ACO1: variants seen among roughly 807,000 people sequenced by gnomAD.
The protein encoded by ACO1 is cytoplasmic aconitate hydratase.
In ACO1, 78 loss-of-function variants were observed where a neutral mutation model predicts 105.1. That is an observed-to-expected ratio of 0.74 (90% CI 0.62 to 0.90). The LOEUF is 0.90. Ranked by LOEUF, ACO1 falls within the 40% of genes least tolerant of loss-of-function variation. The pLI, the probability that ACO1 is intolerant of heterozygous loss-of-function variation, is 0.00. For synonymous variants in ACO1, 364 were observed against 397.4 expected (o/e 0.92, Z 1.00); for missense variants, 965 against 1,111.1 (o/e 0.87, Z 1.87).
intron 1 of ACO1, among the ~76,000 whole-genome samples, chr9:32,395,241 C>T (rs962975808): frequency 3.3e-5 from 5 of 152,084 alleles, no homozygotes; most frequent in Non-Finnish European, 5.9e-5. Flanking sequence ...TTTGGGAGGC[C>T]GAGATGGGCG....
chr9:32,426,581 T>G (rs1032119071), intron 11 of ACO1, among the ~76,000 whole-genome samples: 1 of 152,236 alleles, frequency 6.6e-6, no homozygotes, highest in Non-Finnish European at 1.5e-5. Flanking sequence ...TTCCTTTCTA[T>G]GAAGCAGACA....
chr9:32,440,651 A>G (rs2118555329), intron 19 of ACO1, 64 bp downstream of exon 19: 1 of 1,568,870 alleles, frequency 6.4e-7, no homozygotes, highest in Non-Finnish European at 8.7e-7. Context: ...CCCCAGGCAC[A>G]AATCCTGTTG....
Position 32,452,883 on chromosome 9 carries a change from G to A in ACO1, c.*2772G>A, listed in dbSNP as rs1822798582. 6.6e-6 allele frequency: 1 copy of A among 151,472 alleles called. No homozygotes were observed. The highest frequency in any genetic ancestry group is 2.4e-5 in the African/African-American group (1 of 41,142). The allele number at this position is 151,472 out of a possible 1,614,324, so 9.4% of individuals were successfully genotyped here. On this transcript the variant is annotated 3_prime_UTR_variant, in exon 21 of 21. Transcript: ENST00000309951. ...GGAGGCTGAGGTGGGAGGATCACTT[G>A]AGCCTGGGAGGTCGTGGCTATGATT...
Position 32,429,407 on chromosome 9 carries a change from C to T in ACO1, c.1485-12C>T. The T allele has an allele frequency of 6.2e-7, 1 of 1,613,600 alleles. No individual in the cohort carries two copies. The highest frequency in any genetic ancestry group is 1.1e-5 in the South Asian group (1 of 91,062). ...TTTTTTTGTGTGTGTGTGCTTCTCTCTTGGTGTCTAGGTTTGACGTGGTGG... is the reference window on the plus strand; with the variant it reads ...TTTTTTTGTGTGTGTGTGCTTCTCTTTTGGTGTCTAGGTTTGACGTGGTGG... On this transcript the variant is annotated splice_polypyrimidine_tract_variant and intron_variant, in intron 12 of 20. Coordinates refer to ENST00000309951, the MANE Select transcript of ACO1 (RefSeq NM_002197.3).
In ACO1 at chr9:32,430,527, A is replaced by G; in HGVS notation, c.1679A>G (p.Tyr560Cys). ...YLASPPLVIA[Y>C]AIAGTIRIDF... ...GCCTCTCCCCCCTTAGTAATAGCAT[A>G]TGCAATTGCTGGAACCATCAGAATC... The change falls in exon 14 of 21, where the codon TAT becomes TGT. Residue 560 changes from tyrosine to cysteine, a missense_variant. Coordinates refer to ENST00000309951, the MANE Select transcript of ACO1 (RefSeq NM_002197.3). The G allele has an allele frequency of 2.5e-6, 4 of 1,609,782 alleles. No individual in the cohort carries two copies. Among genetic ancestry groups the G allele is most frequent in the Non-Finnish European group, 3.4e-6 (4 of 1,178,330 alleles).
At chr9:32,449,376 C>T (rs1822703941) in intron 20 of ACO1, among the ~76,000 whole-genome samples, 1 of 152,138 alleles carries the variant, frequency 6.6e-6, no homozygotes, top group Non-Finnish European at 1.5e-5. Flanking sequence ...AGGGATGTGA[C>T]ATTTCACATT....
chr9:32,385,425 A>C (rs980639273), intron 1 of ACO1, among the ~76,000 whole-genome samples: 2 of 152,224 alleles, frequency 1.3e-5, no homozygotes, highest in African/African-American at 4.8e-5. Flanking sequence ...CACTCTTAAA[A>C]ATTAGTATCT....
At position 32,384,754 on chromosome 9, in the gene ACO1, C is replaced by T. The variant is rs1265574873; in HGVS notation, c.-23+19C>T. 5.3e-6 allele frequency: 2 copies of T among 378,420 alleles called. No homozygotes were observed. Among genetic ancestry groups the T allele is most frequent in the South Asian group, 1.8e-5 (1 of 56,622 alleles). The allele number at this position is 378,420 out of a possible 1,614,324, so 23.4% of individuals were successfully genotyped here. A position where few individuals can be genotyped will look rare whatever the true frequency, so the allele number is the denominator to read the frequency against. ...GTCGGAGGTGAGTACCGACGCGGCC[C>T]GACCCACGTCCCCAGGCGGGAGCGC... On this transcript the variant is annotated intron_variant, in intron 1 of 20. Transcript: ENST00000309951.
At chr9:32,392,799 G>A (rs1344652597) in intron 1 of ACO1, among the ~76,000 whole-genome samples, 2 of 152,308 alleles carry the variant, frequency 1.3e-5, no homozygotes, top group East Asian at 1.9e-4. Context: ...CATAAATTGT[G>A]AAGATTTCAT....
Position 32,453,886 on chromosome 9 carries a change from G to A in ACO1, c.*3775G>A, listed in dbSNP as rs190039155. 3.3e-5 allele frequency: 5 copies of A among 152,196 alleles called. No individual in the cohort carries two copies. Among genetic ancestry groups the A allele is most frequent in the South Asian group, 2.1e-4 (1 of 4,832 alleles). The allele number at this position is 152,196 out of a possible 1,614,324, so 9.4% of individuals were successfully genotyped here. A position where few individuals can be genotyped will look rare whatever the true frequency, so the allele number is the denominator to read the frequency against. Reference sequence around the variant, plus strand: ...TCATTATGAACAAAGATTATATAACGATAGCTGATATTAAGTAAGTTTTAA... The same window carrying A: ...TCATTATGAACAAAGATTATATAACAATAGCTGATATTAAGTAAGTTTTAA... On this transcript the variant is annotated 3_prime_UTR_variant, in exon 21 of 21. Transcript: ENST00000309951.
At chr9:32,437,051 G>A (rs908310240) in intron 18 of ACO1, among the ~76,000 whole-genome samples, 25 of 152,202 alleles carry the variant, frequency 1.6e-4, no homozygotes, top group Non-Finnish European at 1.2e-4. Context: ...CCTTCCCAGT[G>A]AGTGCTGTGA....
chr9:32,433,709 C>T lies in ACO1; in HGVS notation c.1852-19C>T. 1 of 1,572,794 alleles carries T rather than the reference C, an allele frequency of 6.4e-7. No individual in the cohort carries two copies. Among genetic ancestry groups the T allele is most frequent in the Admixed American group, 1.9e-5 (1 of 52,326 alleles). Reference sequence around the variant, plus strand: ...TGGAATGGGATGTGATTAGATCTGCCTTTCTTTTCTTTTTTAAGACTGTGA... The same window carrying T: ...TGGAATGGGATGTGATTAGATCTGCTTTTCTTTTCTTTTTTAAGACTGTGA... On this transcript the variant is annotated intron_variant, in intron 15 of 20. Coordinates refer to ENST00000309951, the MANE Select transcript of ACO1 (RefSeq NM_002197.3).
intron 5 of ACO1, 25 bp from the exon 6 acceptor site, chr9:32,418,303 T>C (rs1821895476): frequency 1.2e-6 from 2 of 1,613,670 alleles, no homozygotes; most frequent in Non-Finnish European, 1.7e-6. Flanking sequence ...GCGTTCATAG[T>C]GTTCTTTCCA....
intron 4 of ACO1, among the ~76,000 whole-genome samples, chr9:32,411,095 G>T: frequency 6.6e-6 from 1 of 152,006 alleles, no homozygotes; most frequent in Non-Finnish European, 1.5e-5. Context: ...TTCTGTTCAC[G>T]GTGCCATTGA....
intron 1 of ACO1, among the ~76,000 whole-genome samples, chr9:32,393,485 A>T (rs1821309163): frequency 6.6e-6 from 1 of 152,168 alleles, no homozygotes; most frequent in Non-Finnish European, 1.5e-5. Context: ...CCGAAACTTC[A>T]TTAGCAATTT....
Position 32,423,544 on chromosome 9 carries a change from G to A in ACO1, c.1071+125G>A, listed in dbSNP as rs112101848. ...CACTGCCAAGGCATTACAAGAGAAC[G>A]GAGTTTTAGAAGGTTGAAAAACCAA... On this transcript the variant is annotated intron_variant, in intron 9 of 20. Transcript: ENST00000309951. The A allele has an allele frequency of 7.0e-4, 501 of 718,368 alleles. 6 individuals are homozygous for A. In the African/African-American group the frequency reaches 8.3e-3, roughly 12 times the overall value. 44.5% of individuals were successfully genotyped at this position (718,368 alleles called of 1,614,324 possible). A position where few individuals can be genotyped will look rare whatever the true frequency, so the allele number is the denominator to read the frequency against.
chr9:32,387,960 T>C (rs1821188516), intron 1 of ACO1, among the ~76,000 whole-genome samples: 1 of 152,206 alleles, frequency 6.6e-6, no homozygotes. Flanking sequence ...GTCTCCAAGA[T>C]GGACGTAGCG....
At chr9:32,448,366 C>T (rs570700575) in intron 19 of ACO1, among the ~76,000 whole-genome samples, 1 of 152,312 alleles carries the variant, frequency 6.6e-6, no homozygotes, top group South Asian at 2.1e-4. Context: ...TGGCCGATGC[C>T]CCTCTGCCCA....
chr9:32,421,095 A>C, intron 8 of ACO1, 68 bp downstream of exon 8: 1 of 1,531,082 alleles, frequency 6.5e-7, no homozygotes, highest in Non-Finnish European at 9.0e-7. Flanking sequence ...GAATCTGAGC[A>C]CTGCCTTCTG....
Sources: allele counts gnomAD v4.1 joint callset (sites outside exome capture counted in the v4.1 genomes callset), GRCh38; gene constraint gnomAD v4.1.1; transcripts MANE v1.5; gene names NCBI Gene and HGNC (gene_info 2026-07-23, HGNC 2026-07-21).